CHD7: variants seen among roughly 807,000 people sequenced by gnomAD.
CHD7 encodes chromodomain helicase DNA binding protein 7, also known as ATP-dependent chromatin remodeler CHD7.
In CHD7, 24 loss-of-function variants were observed where a neutral mutation model predicts 307.3. The observed-to-expected ratio is 0.08, with a 90% CI of 0.06 to 0.11. The LOEUF (loss-of-function observed/expected upper bound fraction) is 0.11. Among genes scored for constraint, CHD7 ranks in the 10% least tolerant of loss-of-function variants. The pLI is 1.00. For synonymous variants in CHD7, 1,363 were observed against 1,349.9 expected, an observed-to-expected ratio of 1.01 and a Z score of -0.21; for missense variants, 3,106 against 3,727.1, an observed-to-expected ratio of 0.83 and a Z score of 4.34.
intron 28 of CHD7, 88 bp from the exon 29 acceptor site, chr8:60,851,931 A>G (rs996005599): frequency 4.2e-5 from 36 of 859,350 alleles, no homozygotes; most frequent in Non-Finnish European, 5.9e-5. Context: ...TGTCATTTGA[A>G]TCTTAATGAG....
rs41312172 is a variant in CHD7, at chr8:60,853,007, A to T, written c.6282A>T (p.Gly2094=). ...ATCTGCCAGAGTGGTGGGAGTGTGG[A>T]CGGCATGACCGAGACTTGCTGGTTG... ...SLDLPEWWEC[G]RHDRDLLVGA... is the part of the protein sequence containing the mutation. The change falls in exon 31 of 38, where the codon GGA becomes GGT. Residue 2094 remains glycine (G), a synonymous_variant. Coordinates refer to ENST00000423902, the MANE Select transcript of CHD7 (RefSeq NM_017780.4). 6.2e-7 allele frequency: 1 copy of T among 1,613,846 alleles called. No homozygotes were observed. The highest frequency in any genetic ancestry group is 8.5e-7 in the Non-Finnish European group (1 of 1,179,886).
At chr8:60,717,645 T>C (rs1176664389) in intron 1 of CHD7, among the ~76,000 whole-genome samples, 3 of 152,200 alleles carry the variant, frequency 2.0e-5, no homozygotes, top group Non-Finnish European at 2.9e-5. Flanking sequence ...TATACAGTCA[T>C]GTGCCATATA....
chr8:60,836,691 AGTTCT>A, intron 16 of CHD7, 121 bp from the exon 17 acceptor site: 2 of 628,224 alleles, frequency 3.2e-6, no homozygotes, highest in Non-Finnish European at 5.2e-6. Context: ...CTCTGAGATT[AGTTCT>A]GTTAAGTCAT....
chr8:60,759,524 T>A (rs1810070928), intron 2 of CHD7, among the ~76,000 whole-genome samples: 1 of 149,698 alleles, frequency 6.7e-6, no homozygotes, highest in Non-Finnish European at 1.5e-5. Flanking sequence ...TCTCCCTCTT[T>A]CTCTCAGTCT....
chr8:60,761,467 A>C (rs962081855), intron 2 of CHD7, among the ~76,000 whole-genome samples: 6 of 152,070 alleles, frequency 3.9e-5, no homozygotes, highest in African/African-American at 1.4e-4. Context: ...CATTGTGCAC[A>C]TGTACCCTAA....
intron 31 of CHD7, 68 bp from the exon 32 acceptor site, chr8:60,854,295 T>A: frequency 7.1e-7 from 1 of 1,405,498 alleles, no homozygotes; most frequent in Non-Finnish European, 9.9e-7. Context: ...TTTTTAATCA[T>A]GTCCTTTCTA....
chr8:60,772,149 C>G (rs1276798213), intron 2 of CHD7, among the ~76,000 whole-genome samples: 1 of 152,168 alleles, frequency 6.6e-6, no homozygotes, highest in Non-Finnish European at 1.5e-5. Flanking sequence ...CTAAATTTGC[C>G]AGACTCTCAA....
intron 2 of CHD7, among the ~76,000 whole-genome samples, chr8:60,772,394 A>G (rs78055694): frequency 6.6e-6 from 1 of 152,222 alleles, no homozygotes; most frequent in East Asian, 1.9e-4. Context: ...GGTAGTAGAA[A>G]CTTAAATGCA....
At chr8:60,825,636 T>C (rs938999590) in intron 13 of CHD7, among the ~76,000 whole-genome samples, 1 of 152,242 alleles carries the variant, frequency 6.6e-6, no homozygotes, top group Non-Finnish European at 1.5e-5. Context: ...TCAGTAGGGA[T>C]CCACCTTCAT....
At chr8:60,800,036 T>G (rs967198549) in intron 4 of CHD7, among the ~76,000 whole-genome samples, 1 of 144,332 alleles carries the variant, frequency 6.9e-6, no homozygotes, top group Non-Finnish European at 1.5e-5. Flanking sequence ...AACATTTTTC[T>G]TTTTTTTTTT....
intron 34 of CHD7, 126 bp downstream of exon 34, chr8:60,857,014 G>C: frequency 1.3e-6 from 1 of 777,922 alleles, no homozygotes; most frequent in South Asian, 2.3e-5. Flanking sequence ...CTCCACTAAA[G>C]AAATAGTTTT....
chr8:60,738,340 A>G (rs1187219224), intron 1 of CHD7, among the ~76,000 whole-genome samples: 1 of 152,230 alleles, frequency 6.6e-6, no homozygotes, highest in African/African-American at 2.4e-5. Context: ...AGAAATTGGT[A>G]AAATGGATTT....
rs1424577387 is a variant in CHD7 at position 60,775,316 on chromosome 8, T to C, written c.1666-5684T>C. Reference sequence around the variant, plus strand: ...GTAATTATCTTGACATATAGGAATATGTAACAAAAATTATACAAGTCATTC... The same window carrying C: ...GTAATTATCTTGACATATAGGAATACGTAACAAAAATTATACAAGTCATTC... On this transcript the variant is annotated intron_variant, in intron 2 of 37. Coordinates refer to ENST00000423902, the MANE Select transcript of CHD7 (RefSeq NM_017780.4). 1.3e-4 allele frequency among the ~76,000 whole-genome samples: 6 copies of C among 47,048 alleles called. No homozygotes were observed. The East Asian group carries it at 9.6e-3, about 75-fold the overall frequency. The allele number at this position is 47,048 out of a possible 152,430, so 30.9% of individuals were successfully genotyped here.
chr8:60,850,352 A>G, intron 25 of CHD7, 141 bp from the exon 26 acceptor site: 1 of 1,035,162 alleles, frequency 9.7e-7, no homozygotes, highest in African/African-American at 1.6e-5. Flanking sequence ...GATCTACTAA[A>G]ACAAGGTCCA....
intron 1 of CHD7, among the ~76,000 whole-genome samples, chr8:60,699,974 G>A (rs2150505103): frequency 6.6e-6 from 1 of 152,020 alleles, no homozygotes; most frequent in East Asian, 1.9e-4. Flanking sequence ...GGGATTACAG[G>A]CATGCACCAC....
rs55661758 is a variant in CHD7 at position 60,749,370 on chromosome 8, CAAAAAAAAAA to C, written c.1665+6288_1665+6297del. Among the ~76,000 whole-genome samples, 90 of 56,312 alleles carry C rather than the reference CAAAAAAAAAA, an allele frequency of 1.6e-3. 1 individual carries two copies. The highest frequency in any genetic ancestry group is 6.4e-3 in the African/African-American group (81 of 12,618). The allele number at this position is 56,312 out of a possible 152,430, so 36.9% of individuals were successfully genotyped here. A position where few individuals can be genotyped will look rare whatever the true frequency, so the allele number is the denominator to read the frequency against. ...TGGTCAACAGAGCAAGACTCTGTAT[CAAAAAAAAAA>C]AAAAAAAAAAAAAAGGAATTACAAA... On this transcript the variant is annotated intron_variant, in intron 2 of 37. Coordinates refer to ENST00000423902, the MANE Select transcript of CHD7 (RefSeq NM_017780.4).
chr8:60,705,271 T>C (rs1806967669), intron 1 of CHD7, among the ~76,000 whole-genome samples: 1 of 152,190 alleles, frequency 6.6e-6, no homozygotes, highest in Non-Finnish European at 1.5e-5. Flanking sequence ...CGTTTGGCTT[T>C]AGGAACTCCC....
At chr8:60,722,696 C>T (rs2150547400) in intron 1 of CHD7, among the ~76,000 whole-genome samples, 1 of 152,240 alleles carries the variant, frequency 6.6e-6, no homozygotes, top group South Asian at 2.1e-4. Context: ...AGATTCCTTC[C>T]TATTTTTATA....
chr8:60,726,977 AT>A (rs1427603608), intron 1 of CHD7, among the ~76,000 whole-genome samples: 1 of 151,948 alleles, frequency 6.6e-6, no homozygotes, highest in Non-Finnish European at 1.5e-5. Context: ...GCCTACTTCT[AT>A]TAGTGTTTAA....
Sources: gnomAD v4.1 joint callset for allele counts (sites outside exome capture counted in the v4.1 genomes callset) on GRCh38, gnomAD v4.1.1 for gene constraint, MANE v1.5 for transcripts, NCBI Gene and HGNC (gene_info 2026-07-23, HGNC 2026-07-21) for gene names.